Variants in EIF4G3 observed in about 807,000 individuals in gnomAD.
The protein encoded by EIF4G3 is eukaryotic translation initiation factor 4 gamma 3, also known as eIF-4-gamma 3.
A neutral mutation model predicts 186.4 loss-of-function variants in EIF4G3; 34 were observed. The observed-to-expected ratio is 0.18, with a 90% CI of 0.14 to 0.24. The LOEUF is 0.24. EIF4G3 is among the 10% of genes least tolerant of loss of function. The pLI, the probability that EIF4G3 is intolerant of heterozygous loss-of-function variation, is 1.00. For synonymous variants in EIF4G3, 673 were observed against 679.5 expected, an observed-to-expected ratio of 0.99 and a Z score of 0.15; for missense variants, 1,536 against 1,948.5, an observed-to-expected ratio of 0.79 and a Z score of 3.99.
intron 22 of EIF4G3, among the ~76,000 whole-genome samples, chr1:20,862,567 C>T (rs185295169): frequency 6.4e-4 from 98 of 152,180 alleles, no homozygotes; most frequent in Admixed American, 2.7e-3. Context: ...CACGTGCCAC[C>T]GTGCCTGGCT....
At chr1:21,172,253 T>G (rs941245550) in intron 2 of EIF4G3, among the ~76,000 whole-genome samples, 1 of 152,136 alleles carries the variant, frequency 6.6e-6, no homozygotes, top group Non-Finnish European at 1.5e-5. Flanking sequence ...TCTTACTCAT[T>G]CTTCTAATTT....
At chr1:21,034,202 T>C (rs774408969) in intron 4 of EIF4G3, among the ~76,000 whole-genome samples, 34 of 152,186 alleles carry the variant, frequency 2.2e-4, no homozygotes, top group African/African-American at 8.0e-4. Flanking sequence ...TATTTCTGAA[T>C]GGGATCTCTT....
chr1:21,092,734 A>T (rs12079755), intron 2 of EIF4G3, among the ~76,000 whole-genome samples: 4,986 of 152,292 alleles, frequency 0.033, 267 homozygotes, highest in African/African-American at 0.11. Context: ...ACAGCATGGT[A>T]CTGGTACCAA....
chr1:20,850,272 A>G (rs1364045758), intron 28 of EIF4G3, among the ~76,000 whole-genome samples: 1 of 152,220 alleles, frequency 6.6e-6, no homozygotes, highest in African/African-American at 2.4e-5. Flanking sequence ...CACATAGGGC[A>G]GCTGTGCTAC....
At chr1:20,946,016 TATG>T (rs2154562908) in intron 13 of EIF4G3, among the ~76,000 whole-genome samples, 1 of 152,306 alleles carries the variant, frequency 6.6e-6, no homozygotes, top group Non-Finnish European at 1.5e-5. Context: ...TTTATTCTCA[TATG>T]GTGGTGGAAT....
At chr1:21,085,848 C>A (rs2095953027) in intron 3 of EIF4G3, among the ~76,000 whole-genome samples, 1 of 152,134 alleles carries the variant, frequency 6.6e-6, no homozygotes, top group South Asian at 2.1e-4. Context: ...TTCACGCCAC[C>A]ACACCCGGCT....
chr1:21,009,801 C>T (rs2086448211), intron 4 of EIF4G3, among the ~76,000 whole-genome samples: 2 of 151,954 alleles, frequency 1.3e-5, no homozygotes, highest in Non-Finnish European at 2.9e-5. Flanking sequence ...ACTACAGGTG[C>T]GTGCCACCAC....
chr1:21,060,854 G>C lies in EIF4G3; in HGVS notation c.-195-9860C>G, dbSNP rs1045208608. On this transcript the variant is annotated intron_variant, in intron 3 of 36. Coordinates refer to ENST00000602326, the MANE Select transcript of EIF4G3 (RefSeq NM_001391906.1). ...CACAACTAATGGTGGCTTAGAACAC[G>C]GTAGTAACAAGATACTTTGTTTGAG... 6.6e-5 allele frequency among the ~76,000 whole-genome samples: 10 copies of C among 151,824 alleles called. No homozygotes were observed. In the East Asian group the frequency reaches 1.9e-3, roughly 29 times the overall value.
chr1:21,007,509 C>G (rs1017272281), intron 4 of EIF4G3, among the ~76,000 whole-genome samples: 3 of 9,738 alleles, frequency 3.1e-4, no homozygotes, highest in Admixed American at 3.0e-3. Context: ...ACAATGGGCC[C>G]CTCCTTAAAA....
intron 2 of EIF4G3, among the ~76,000 whole-genome samples, chr1:21,097,683 T>C (rs1355635588): frequency 6.6e-6 from 1 of 152,194 alleles, no homozygotes; most frequent in Non-Finnish European, 1.5e-5. Context: ...AATCGATTTT[T>C]CACAAAGGTG....
At chr1:21,172,570 A>C (rs1378230944) in intron 2 of EIF4G3, among the ~76,000 whole-genome samples, 4 of 152,080 alleles carry the variant, frequency 2.6e-5, no homozygotes, top group Non-Finnish European at 4.4e-5. Flanking sequence ...TTATTTATTG[A>C]GATGGAGTCT....
chr1:21,023,237 CTCCCCTCCCCCT>C lies in EIF4G3; in HGVS notation c.-66-20441_-66-20430del, dbSNP rs2091199897. Among the ~76,000 whole-genome samples, 10 of 39,384 alleles carry C rather than the reference CTCCCCTCCCCCT, an allele frequency of 2.5e-4. 1 individual carries two copies. The highest frequency in any genetic ancestry group is 2.2e-3 in the Admixed American group (7 of 3,172). 25.8% of individuals were successfully genotyped at this position (39,384 alleles called of 152,430 possible). On this transcript the variant is annotated intron_variant, in intron 4 of 36. Transcript: ENST00000602326. The stretch of plus-strand genomic sequence containing the variant: ...GTAAGGGCTCTCCCTCTCCCTCCCC[CTCCCCTCCCCCT>C]CCCCCCCTCCCCCTCCCTCTCCCTC...
chr1:20,809,343 C>T (rs1056574705), intron 36 of EIF4G3, among the ~76,000 whole-genome samples: 4 of 152,174 alleles, frequency 2.6e-5, no homozygotes, highest in African/African-American at 7.2e-5. Context: ...TTGCTTTCAT[C>T]TTTTCCTTTA....
chr1:21,148,477 C>T lies in EIF4G3; in HGVS notation c.-272+27698G>A, dbSNP rs143972758. Among the ~76,000 whole-genome samples, 838 of 152,082 alleles carry T rather than the reference C, an allele frequency of 5.5e-3. 8 individuals are homozygous for T. Among genetic ancestry groups the T allele is most frequent in the African/African-American group, 0.019 (807 of 41,524 alleles). ...CAGCACTTTGGGAGGCCAAGGTAGG[C>T]GGATCACGAGGTCAGGAGATCGAGA... On this transcript the variant is annotated intron_variant, in intron 2 of 36. Coordinates refer to ENST00000602326, the MANE Select transcript of EIF4G3 (RefSeq NM_001391906.1).
intron 2 of EIF4G3, among the ~76,000 whole-genome samples, chr1:21,092,362 G>C (rs565623477): frequency 1.3e-5 from 2 of 152,124 alleles, no homozygotes; most frequent in Non-Finnish European, 2.9e-5. Flanking sequence ...CTGTGGATAA[G>C]CTTTTTGATG....
At chr1:21,133,458 C>G (rs1203855687) in intron 2 of EIF4G3, among the ~76,000 whole-genome samples, 2 of 152,140 alleles carry the variant, frequency 1.3e-5, no homozygotes. Context: ...AACTCCTGAC[C>G]TCGTGATCCG....
chr1:20,872,713 CTTTTTTTTTTTT>C (rs386366427), intron 20 of EIF4G3, among the ~76,000 whole-genome samples: 5 of 81,836 alleles, frequency 6.1e-5, no homozygotes, highest in Admixed American at 4.2e-4. Context: ...ACTTTCTTGC[CTTTTTTTTTTTT>C]TTTTTTTTTT....
intron 20 of EIF4G3, among the ~76,000 whole-genome samples, chr1:20,871,788 G>C (rs922714619): frequency 1.3e-5 from 2 of 151,814 alleles, no homozygotes; most frequent in Non-Finnish European, 2.9e-5. Flanking sequence ...ATGTCATCTT[G>C]AAAAAGCAAT....
chr1:21,113,373 T>C (rs2096761569), intron 2 of EIF4G3, among the ~76,000 whole-genome samples: 1 of 152,116 alleles, frequency 6.6e-6, no homozygotes, highest in Non-Finnish European at 1.5e-5. Context: ...CATGTGCTTC[T>C]GCATTTAATC....
Sources: gnomAD v4.1 joint callset for allele counts (sites outside exome capture counted in the v4.1 genomes callset) on GRCh38, gnomAD v4.1.1 for gene constraint, MANE v1.5 for transcripts, NCBI Gene and HGNC (gene_info 2026-07-23, HGNC 2026-07-21) for gene names.